SLC25A26: variants seen among roughly 807,000 people sequenced by gnomAD.
SLC25A26 encodes the protein solute carrier family 25 member 26.
Under a neutral mutation model 37.8 loss-of-function variants are expected in SLC25A26, and 36 were observed. The observed-to-expected ratio is 0.95, with a 90% CI of 0.73 to 1.26. The LOEUF (loss-of-function observed/expected upper bound fraction) is 1.26, where lower values mean the gene tolerates loss of function less well. SLC25A26 is among the 50% of genes most tolerant of loss of function. The probability of loss-of-function intolerance (pLI) is 0.00; values close to 1 mark genes in which losing one functional copy is unlikely to be tolerated. For missense variants in SLC25A26, 390 were observed against 331.1 expected (o/e 1.18, Z -1.38); for synonymous variants, 129 against 122.5 (o/e 1.05, Z -0.35).
At chr3:66,327,214 T>G (rs555716476) in intron 5 of SLC25A26, among the ~76,000 whole-genome samples, 1 of 152,268 alleles carries the variant, frequency 6.6e-6, no homozygotes, top group South Asian at 2.1e-4. Flanking sequence ...CCATTCCAAC[T>G]TGTATATTTC....
At chr3:66,342,068 G>GA (rs2107720049) in intron 5 of SLC25A26, among the ~76,000 whole-genome samples, 1 of 152,192 alleles carries the variant, frequency 6.6e-6, no homozygotes, top group South Asian at 2.1e-4. Flanking sequence ...CAGTAGAATG[G>GA]AAAACTCTAA....
chr3:66,176,631 G>A (rs1415559284), intron 1 of SLC25A26, among the ~76,000 whole-genome samples: 1 of 152,194 alleles, frequency 6.6e-6, no homozygotes, highest in African/African-American at 2.4e-5. Flanking sequence ...TTAGAGTTTA[G>A]CAAGTCTCAG....
chr3:66,361,840 G>A (rs1251740599), intron 6 of SLC25A26, among the ~76,000 whole-genome samples: 5 of 152,040 alleles, frequency 3.3e-5, no homozygotes, highest in Non-Finnish European at 5.9e-5. Context: ...GTTGGCAGGC[G>A]CCTGTAGTCG....
intron 1 of SLC25A26, among the ~76,000 whole-genome samples, chr3:66,212,534 A>G (rs944827922): frequency 1.3e-5 from 2 of 152,334 alleles, no homozygotes; most frequent in East Asian, 3.9e-4. Flanking sequence ...GGTTTCAGGC[A>G]TCACCCACTG....
chr3:66,360,927 A>G lies in SLC25A26; in HGVS notation c.499-1933A>G, dbSNP rs114118373. Among the ~76,000 whole-genome samples, 777 of 152,350 alleles carry G rather than the reference A, an allele frequency of 5.1e-3. 12 individuals carry two copies. Among genetic ancestry groups the G allele is most frequent in the African/African-American group, 0.014 (569 of 41,580 alleles). ...ATTGCAAAATTCATATGGAAATGCA[A>G]AATATTTAGAATAGGTAGAAGGACT... On this transcript the variant is annotated intron_variant, in intron 6 of 9. Coordinates refer to ENST00000354883, the MANE Select transcript of SLC25A26 (RefSeq NM_001379210.1).
At chr3:66,320,001 C>T (rs1008615048) in intron 5 of SLC25A26, among the ~76,000 whole-genome samples, 1 of 152,044 alleles carries the variant, frequency 6.6e-6, no homozygotes, top group African/African-American at 2.4e-5. Flanking sequence ...CTGCCTTAGC[C>T]TCCCAAAGTG....
At chr3:66,266,147 C>G (rs982838160) in intron 5 of SLC25A26, among the ~76,000 whole-genome samples, 1 of 140,574 alleles carries the variant, frequency 7.1e-6, no homozygotes, top group African/African-American at 2.9e-5. Context: ...TAATTGAGGT[C>G]TTCTGCATTA....
At chr3:66,348,530 G>A (rs1026013426) in intron 6 of SLC25A26, among the ~76,000 whole-genome samples, 3 of 151,948 alleles carry the variant, frequency 2.0e-5, no homozygotes, top group Non-Finnish European at 4.4e-5. Flanking sequence ...AAATAAAGGA[G>A]TTACTCTCAT....
At chr3:66,262,683 T>A (rs1439279102) in intron 4 of SLC25A26, among the ~76,000 whole-genome samples, 2 of 152,184 alleles carry the variant, frequency 1.3e-5, no homozygotes, top group African/African-American at 4.8e-5. Context: ...TGAGAATCAA[T>A]CACATGGGAA....
intron 1 of SLC25A26, among the ~76,000 whole-genome samples, chr3:66,155,232 G>A (rs1041420178): frequency 1.3e-4 from 20 of 152,190 alleles, no homozygotes; most frequent in Admixed American, 6.5e-4. Flanking sequence ...ATATGTGGCC[G>A]GGCGTGGTGG....
chr3:66,258,065 C>T (rs1377690995), intron 3 of SLC25A26, among the ~76,000 whole-genome samples: 1 of 152,176 alleles, frequency 6.6e-6, no homozygotes, highest in Non-Finnish European at 1.5e-5. Flanking sequence ...GACACTGTTG[C>T]CTTCCACTTC....
At chr3:66,318,341 C>T (rs963777162) in intron 5 of SLC25A26, among the ~76,000 whole-genome samples, 1 of 152,170 alleles carries the variant, frequency 6.6e-6, no homozygotes, top group Non-Finnish European at 1.5e-5. Context: ...CTGTGGATTG[C>T]AAGAATCTGT....
Position 66,221,087 on chromosome 3 carries a change from G to T in SLC25A26, c.-8G>T. The T allele has an allele frequency of 6.5e-7, 1 of 1,534,892 alleles. No homozygotes were observed. The highest frequency in any genetic ancestry group is 8.7e-7 in the Non-Finnish European group (1 of 1,145,732). ...TTGGATTGTAGCCTTGACGAGGTCTGAGCGACCATGGACCGGCCGGGGTTC... is the reference window on the plus strand; with the variant it reads ...TTGGATTGTAGCCTTGACGAGGTCTTAGCGACCATGGACCGGCCGGGGTTC... On this transcript the variant is annotated 5_prime_UTR_variant, in exon 1 of 10. Coordinates refer to ENST00000354883, the MANE Select transcript of SLC25A26 (RefSeq NM_001379210.1).
chr3:66,377,414 TGGGCTGGAAGTGCCTTCCA>T (rs1559755292), intron 9 of SLC25A26, among the ~76,000 whole-genome samples: 1 of 152,080 alleles, frequency 6.6e-6, no homozygotes, highest in East Asian at 1.9e-4. Flanking sequence ...TTTAGAGGTG[TGGGCTGGAAGTGCCTTCCA>T]GCCTTACCTA....
chr3:66,346,211 C>T (rs2076318725), intron 5 of SLC25A26, 153 bp from the exon 6 acceptor site: 1 of 153,750 alleles, frequency 6.5e-6, no homozygotes, highest in African/African-American at 2.4e-5. Flanking sequence ...CAGTTTAACT[C>T]TTTTTCTAAA....
chr3:66,286,972 T>C (rs1465372775), intron 5 of SLC25A26, among the ~76,000 whole-genome samples: 1 of 152,104 alleles, frequency 6.6e-6, no homozygotes, highest in Non-Finnish European at 1.5e-5. Context: ...CTGTTTGTTT[T>C]TTTTAATTGA....
At chr3:66,295,592 G>A (rs1486707760) in intron 5 of SLC25A26, among the ~76,000 whole-genome samples, 3 of 151,720 alleles carry the variant, frequency 2.0e-5, no homozygotes, top group African/African-American at 2.4e-5. Flanking sequence ...TAGTAGAGAC[G>A]GGGTTTCACC....
At chr3:66,227,352 T>A (rs150713012) in intron 1 of SLC25A26, among the ~76,000 whole-genome samples, 4,554 of 152,316 alleles carry the variant, frequency 0.03, 262 homozygotes, top group Admixed American at 0.14. Flanking sequence ...TCATTTTTTT[T>A]GCATTTTCAT....
At position 66,375,293 on chromosome 3, in the gene SLC25A26, G is replaced by A. The variant is rs147236993; in HGVS notation, c.708-2397G>A. 3.2e-3 allele frequency among the ~76,000 whole-genome samples: 487 copies of A among 152,088 alleles called. 1 individual carries two copies. Among genetic ancestry groups the A allele is most frequent in the East Asian group, 0.019 (101 of 5,180 alleles). On this transcript the variant is annotated intron_variant, in intron 9 of 9. Transcript: ENST00000354883. ...ACAGAAGTGTAAGGTGAAGTGGCAA[G>A]TGCTGATGGAGAAGCTGCAGCAAGT...
Sources: gnomAD v4.1 joint callset for allele counts (sites outside exome capture counted in the v4.1 genomes callset) on GRCh38, gnomAD v4.1.1 for gene constraint, MANE v1.5 for transcripts, NCBI Gene and HGNC (gene_info 2026-07-23, HGNC 2026-07-21) for gene names.